AKT3: variants seen among roughly 807,000 people sequenced by gnomAD.
AKT3 encodes RAC-gamma serine/threonine-protein kinase.
AKT3 carries 15 observed loss-of-function variants against 65.3 expected under a neutral mutation model. The observed-to-expected ratio is 0.23, with a 90% confidence interval of 0.15 to 0.35. AKT3 has a LOEUF of 0.35. Among genes scored for constraint, AKT3 ranks in the 10% least tolerant of loss-of-function variants. The probability of loss-of-function intolerance (pLI) is 1.00; values close to 1 mark genes in which losing one functional copy is unlikely to be tolerated. For synonymous variants in AKT3, 206 were observed against 183.8 expected, an observed-to-expected ratio of 1.12 and a Z score of -0.98; for missense variants, 243 against 576.5, an observed-to-expected ratio of 0.42 and a Z score of 5.92.
upstream of AKT3, among the ~76,000 whole-genome samples, chr1:243,850,804 C>G (rs371600292): frequency 1.1e-4 from 17 of 152,088 alleles, no homozygotes; most frequent in East Asian, 2.5e-3. Context: ...AGAACATCCC[C>G]CTAGCCAGCC....
intron 2 of AKT3, among the ~76,000 whole-genome samples, chr1:243,760,357 T>C (rs1689413630): frequency 6.9e-6 from 1 of 144,726 alleles, no homozygotes; most frequent in Non-Finnish European, 1.5e-5. Context: ...GAACTCCTAG[T>C]CTCAAGTGAT....
chr1:243,765,471 A>G (rs1157720302), intron 2 of AKT3, among the ~76,000 whole-genome samples: 2 of 152,134 alleles, frequency 1.3e-5, no homozygotes, highest in Non-Finnish European at 2.9e-5. Context: ...TGACTTCCTA[A>G]GTATTCATTT....
intron 3 of AKT3, among the ~76,000 whole-genome samples, chr1:243,678,226 A>T (rs1230805187): frequency 6.6e-6 from 1 of 152,216 alleles, no homozygotes; most frequent in Non-Finnish European, 1.5e-5. Flanking sequence ...CAGGAATTCT[A>T]ACTCCAAATA....
chr1:243,626,971 G>A (rs1679214616), intron 6 of AKT3, among the ~76,000 whole-genome samples: 1 of 152,146 alleles, frequency 6.6e-6, no homozygotes, highest in Non-Finnish European at 1.5e-5. Flanking sequence ...CACATAGGTT[G>A]TTAATTTGAA....
intron 2 of AKT3, among the ~76,000 whole-genome samples, chr1:243,768,855 G>A (rs1025869493): frequency 4.0e-5 from 6 of 149,952 alleles, no homozygotes; most frequent in South Asian, 2.1e-4. Flanking sequence ...AAAAGAGAGC[G>A]ATAGTTCACA....
At chr1:243,638,868 T>C (rs1439322203) in intron 5 of AKT3, among the ~76,000 whole-genome samples, 1 of 148,568 alleles carries the variant, frequency 6.7e-6, no homozygotes, top group Non-Finnish European at 1.5e-5. Context: ...TAGAAGAAAA[T>C]GATACAGATC....
intron 4 of AKT3, among the ~76,000 whole-genome samples, chr1:243,650,617 T>C (rs1003239961): frequency 6.6e-6 from 1 of 152,200 alleles, no homozygotes; most frequent in Admixed American, 6.5e-5. Flanking sequence ...TTCAGTTTTC[T>C]GCATATGGCT....
rs115053400 is a variant in AKT3 at position 243,817,063 on chromosome 1, T to G, written c.46+26062A>C. Among the ~76,000 whole-genome samples, 780 of 152,290 alleles carry G rather than the reference T, an allele frequency of 5.1e-3. 9 individuals are homozygous for G. The highest frequency in any genetic ancestry group is 0.018 in the African/African-American group (740 of 41,556). ...AAGTTAGTAACATGCTCTAAAGTAA[T>G]CCAGGATGACCTGCTAGAGAGAGGC... is the stretch of plus-strand genomic sequence containing the variant. On this transcript the variant is annotated intron_variant, in intron 2 of 13. Transcript: ENST00000673466.
chr1:243,709,297 A>G (rs1431291333), intron 2 of AKT3, among the ~76,000 whole-genome samples: 2 of 151,474 alleles, frequency 1.3e-5, no homozygotes, highest in Admixed American at 1.3e-4. Context: ...AAAGAAAAAA[A>G]AAAAGAGCTT....
rs183968751 is a variant in AKT3, at chr1:243,634,482, C to T, written c.561+3129G>A. ...CAATAATAAAATAGAAAACTTATAA[C>T]AATATATTGTGATACAAGTTATTGT... is the stretch of plus-strand genomic sequence containing the variant. On this transcript the variant is annotated intron_variant, in intron 6 of 13. Coordinates refer to ENST00000673466, the MANE Select transcript of AKT3 (RefSeq NM_005465.7). Among the ~76,000 whole-genome samples the T allele has an allele frequency of 2.3e-3, 352 of 151,918 alleles. 4 individuals carry two copies. The highest frequency in any genetic ancestry group is 8.1e-3 in the African/African-American group (335 of 41,506).
chr1:243,831,757 T>C (rs1278090217), intron 2 of AKT3, among the ~76,000 whole-genome samples: 1 of 152,052 alleles, frequency 6.6e-6, no homozygotes, highest in Non-Finnish European at 1.5e-5. Flanking sequence ...ACTCCCCCTT[T>C]TCCATACTCA....
intron 8 of AKT3, among the ~76,000 whole-genome samples, chr1:243,585,589 A>C (rs1205388324): frequency 6.6e-6 from 1 of 152,152 alleles, no homozygotes; most frequent in Non-Finnish European, 1.5e-5. Context: ...AAAGCCAGCC[A>C]CCTACAATAA....
intron 9 of AKT3, 59 bp from the exon 10 acceptor site, chr1:243,563,907 C>T (rs1446017282): frequency 6.6e-7 from 1 of 1,509,782 alleles, no homozygotes; most frequent in Non-Finnish European, 8.9e-7. Context: ...ATGAAAATAC[C>T]ATTTTAAAAA....
chr1:243,575,992 T>C (rs1398804726), intron 8 of AKT3, among the ~76,000 whole-genome samples: 1 of 152,140 alleles, frequency 6.6e-6, no homozygotes, highest in Non-Finnish European at 1.5e-5. Context: ...TTAGGATCTT[T>C]ACTAACATGA....
intron 12 of AKT3, among the ~76,000 whole-genome samples, chr1:243,539,894 C>A (rs1355647883): frequency 6.6e-6 from 1 of 152,084 alleles, no homozygotes; most frequent in Non-Finnish European, 1.5e-5. Context: ...ATCTGAGTAA[C>A]AACAGATAAC....
chr1:243,763,629 T>A (rs1689634259), intron 2 of AKT3, among the ~76,000 whole-genome samples: 1 of 152,014 alleles, frequency 6.6e-6, no homozygotes, highest in African/African-American at 2.4e-5. Context: ...CAAATTTAAA[T>A]GAAAACGATT....
chr1:243,535,155 TATTTTAAAATATATTTAAA>T (rs371679154), intron 12 of AKT3, among the ~76,000 whole-genome samples: 1 of 131,400 alleles, frequency 7.6e-6, no homozygotes, highest in African/African-American at 3.4e-5. Context: ...TTTTAAAATA[TATTTTAAAATATATTTAAA>T]ATTTTAAAAT....
rs987306991 is a variant in AKT3 at position 243,520,918 on chromosome 1, A to G, written c.1252-8492T>C. ...TCTTCCTAAAAGTGTCAATGAAAGA[A>G]CAAAGAGATAATTTTCTGAAGGTTG... On this transcript the variant is annotated intron_variant, in intron 12 of 13. Transcript: ENST00000673466. Among the ~76,000 whole-genome samples, 24 of 152,360 alleles carry G rather than the reference A, an allele frequency of 1.6e-4. No individual in the cohort carries two copies. The South Asian group carries it at 4.6e-3, about 29-fold the overall frequency.
intron 13 of AKT3, among the ~76,000 whole-genome samples, chr1:243,490,428 T>C (rs1406443819): frequency 6.6e-6 from 1 of 152,188 alleles, no homozygotes; most frequent in Admixed American, 6.5e-5. Context: ...GAACCTGAAT[T>C]TTGCCAAGCT....
Sources: allele counts gnomAD v4.1 joint callset (sites outside exome capture counted in the v4.1 genomes callset), GRCh38; gene constraint gnomAD v4.1.1; transcripts MANE v1.5; gene names NCBI Gene and HGNC (gene_info 2026-07-23, HGNC 2026-07-21).